Variants in SHMT1 observed in about 807,000 individuals in gnomAD.
SHMT1 encodes the protein serine hydroxymethyltransferase 1, also known as serine hydroxymethyltransferase, cytosolic.
Under a neutral mutation model 49.0 loss-of-function variants are expected in SHMT1, and 45 were observed. That is an observed-to-expected ratio of 0.92 (90% CI 0.72 to 1.18). SHMT1 has a LOEUF of 1.18. Among genes scored for constraint, SHMT1 ranks in the 50% most tolerant of loss-of-function variants. The probability of loss-of-function intolerance (pLI) is 0.00; values close to 1 mark genes in which losing one functional copy is unlikely to be tolerated. For missense variants in SHMT1, 541 were observed against 612.4 expected, an observed-to-expected ratio of 0.88 and a Z score of 1.23; for synonymous variants, 232 against 246.6, an observed-to-expected ratio of 0.94 and a Z score of 0.55.
At chr17:18,356,520 G>A (rs1449390585) in intron 1 of SHMT1, among the ~76,000 whole-genome samples, 1 of 151,810 alleles carries the variant, frequency 6.6e-6, no homozygotes, top group African/African-American at 2.4e-5. Context: ...ATTTTTCGTA[G>A]AGATGGAGTT....
chr17:18,357,903 G>A (rs1473151369), intron 1 of SHMT1, among the ~76,000 whole-genome samples: 12 of 139,408 alleles, frequency 8.6e-5, no homozygotes, highest in African/African-American at 1.9e-4. Context: ...TCACTCTGTC[G>A]CCCAGGCTGG....
intron 3 of SHMT1, among the ~76,000 whole-genome samples, chr17:18,350,496 G>A (rs1198863392): frequency 6.6e-6 from 1 of 151,916 alleles, no homozygotes; most frequent in Admixed American, 6.6e-5. Context: ...AAATTAGCCT[G>A]GTGTGGTGGC....
intron 4 of SHMT1, among the ~76,000 whole-genome samples, chr17:18,347,980 C>T (rs556630139): frequency 6.6e-5 from 10 of 150,520 alleles, no homozygotes; most frequent in Non-Finnish European, 1.5e-4. Context: ...TGCAATGGCG[C>T]CATCTCGGCA....
chr17:18,359,828 T>C (rs1353573958), intron 1 of SHMT1, among the ~76,000 whole-genome samples: 1 of 151,286 alleles, frequency 6.6e-6, no homozygotes, highest in South Asian at 2.1e-4. Flanking sequence ...CGCCTGTAAT[T>C]CCAGCTACTC....
chr17:18,339,049 T>TAAAAAAAAAAAAAA (rs34704448), intron 7 of SHMT1, among the ~76,000 whole-genome samples: 2 of 26,872 alleles, frequency 7.4e-5, no homozygotes, highest in Non-Finnish European at 1.2e-4. Context: ...CAATAAATAC[T>TAAAAAAAAAAAAAA]AAAAAAAAAA....
At chr17:18,330,823 G>A (rs541031421) in intron 9 of SHMT1, 152 bp from the exon 10 acceptor site, 15 of 691,306 alleles carry the variant, frequency 2.2e-5, no homozygotes, top group South Asian at 1.0e-4. Context: ...TAATCCCCAC[G>A]AGAGATGCCC....
chr17:18,333,024 C>T lies in SHMT1; in HGVS notation c.1054+142G>A, dbSNP rs560768970. 2.5e-3 allele frequency: 2,691 copies of T among 1,068,092 alleles called. 39 individuals are homozygous for T. The highest frequency in any genetic ancestry group is 0.023 in the South Asian group (1,754 of 76,002). The allele number at this position is 1,068,092 out of a possible 1,614,324, so 66.2% of individuals were successfully genotyped here. A position where few individuals can be genotyped will look rare whatever the true frequency, so the allele number is the denominator to read the frequency against. On this transcript the variant is annotated intron_variant, in intron 9 of 11. Coordinates refer to ENST00000316694, the MANE Select transcript of SHMT1 (RefSeq NM_004169.5). ...CAGGGGGAGGCTTTCCAGTTGGAGG[C>T]GAGGCTGACCTCCTCCCAAGGTGGG...
chr17:18,339,591 C>T (rs975557958), intron 7 of SHMT1, among the ~76,000 whole-genome samples: 1 of 151,126 alleles, frequency 6.6e-6, no homozygotes, highest in African/African-American at 2.4e-5. Context: ...GACGGCATCT[C>T]GCTCTGTCGC....
chr17:18,328,853 T>G lies in SHMT1; in HGVS notation c.1349A>C (p.Glu450Ala). 6.2e-7 allele frequency: 1 copy of G among 1,613,876 alleles called. No individual in the cohort carries two copies. Among genetic ancestry groups the G allele is most frequent in the Non-Finnish European group, 8.5e-7 (1 of 1,180,024 alleles). ...GVRATLKEFK[E>A]RLAGDKYQAA... ...CTGGTACTTATCCCCTGCCAGTCTC[T>G]CCTTGAACTCTTTCAGGGTGGCTCT... Residue 450 changes from glutamate (E) to alanine (A), a missense_variant, in exon 12 of 12, where the codon GAG becomes GCG. Glu to Ala is a moderately radical substitution (Grantham distance 107). Coordinates refer to ENST00000316694, the MANE Select transcript of SHMT1 (RefSeq NM_004169.5).
intron 9 of SHMT1, chr17:18,332,900 G>A (rs1983371806): frequency 2.0e-6 from 1 of 496,592 alleles, no homozygotes; most frequent in African/African-American, 1.9e-5. Flanking sequence ...CTCCTGCAAA[G>A]CTGTTCTGAG....
intron 5 of SHMT1, among the ~76,000 whole-genome samples, chr17:18,345,263 C>T (rs923626765): frequency 2.5e-4 from 38 of 151,478 alleles, no homozygotes; most frequent in African/African-American, 8.5e-4. Flanking sequence ...CAGATTCTTT[C>T]TTTTTTTTTC....
chr17:18,358,217 C>T lies in SHMT1; in HGVS notation c.-19-2217G>A, dbSNP rs138141010. ...AGAAAAGTGAAATATTGTGGCTGGG[C>T]GCAGTGGCTCATGCCTGTAATCCCA... On this transcript the variant is annotated intron_variant, in intron 1 of 11. Transcript: ENST00000316694. 2.7e-3 allele frequency among the ~76,000 whole-genome samples: 407 copies of T among 149,650 alleles called. 1 individual carries two copies. Among genetic ancestry groups the T allele is most frequent in the Middle Eastern group, 0.014 (4 of 280 alleles).
At chr17:18,362,328 T>C (rs553780957) in intron 1 of SHMT1, among the ~76,000 whole-genome samples, 6 of 152,306 alleles carry the variant, frequency 3.9e-5, no homozygotes, top group African/African-American at 1.4e-4. Flanking sequence ...TTCTCTCTCT[T>C]TCTTTCTTTT....
At chr17:18,336,794 A>C (rs1249771482) in intron 7 of SHMT1, among the ~76,000 whole-genome samples, 4 of 152,090 alleles carry the variant, frequency 2.6e-5, no homozygotes, top group African/African-American at 9.7e-5. Flanking sequence ...AAAAATTTAA[A>C]AATTAGCCAG....
chr17:18,347,524 G>A lies in SHMT1; in HGVS notation c.491C>T (p.Ser164Phe). ...GTAGGGCATAGATTCAAAGAAGATGGACGTGGCAGAGATTTTCTTCTTGTC... is the reference window on the plus strand; with the variant it reads ...GTAGGGCATAGATTCAAAGAAGATGAACGTGGCAGAGATTTTCTTCTTGTC... Reference protein sequence around the residue: ...MTDKKKISATSIFFESMPYKV... With the variant: ...MTDKKKISATFIFFESMPYKV... Residue 164 changes from serine to phenylalanine, a missense_variant, in exon 5 of 12, where the codon TCC (serine) becomes TTC (phenylalanine). Transcript: ENST00000316694. The A allele has an allele frequency of 6.2e-7, 1 of 1,614,180 alleles. No individual in the cohort carries two copies. Among genetic ancestry groups the A allele is most frequent in the Non-Finnish European group, 8.5e-7 (1 of 1,180,034 alleles).
chr17:18,342,872 G>A (rs1457326659), intron 5 of SHMT1, among the ~76,000 whole-genome samples: 1 of 151,716 alleles, frequency 6.6e-6, no homozygotes, highest in African/African-American at 2.4e-5. Flanking sequence ...GGAGGCGGAG[G>A]TTGCAGTGAG....
At chr17:18,348,586 C>T (rs374556820) in intron 3 of SHMT1, 146 bp from the exon 4 acceptor site, 6 of 747,698 alleles carry the variant, frequency 8.0e-6, no homozygotes, top group South Asian at 2.7e-5. Flanking sequence ...GATGCTGAAG[C>T]CAGCATGATC....
At chr17:18,329,567 C>T (rs1394051457) in intron 10 of SHMT1, among the ~76,000 whole-genome samples, 179 bp from the exon 11 acceptor site, 4 of 152,238 alleles carry the variant, frequency 2.6e-5, no homozygotes, top group Non-Finnish European at 5.9e-5. Context: ...GGCACAACCA[C>T]GTTTGGCCAC....
At chr17:18,333,336 A>C in intron 8 of SHMT1, 48 bp from the exon 9 acceptor site, 1 of 1,593,478 alleles carries the variant, frequency 6.3e-7, no homozygotes, top group Non-Finnish European at 8.6e-7. Flanking sequence ...AGAATCATAC[A>C]CAGATGATGA....
Sources: allele counts gnomAD v4.1 joint callset (sites outside exome capture counted in the v4.1 genomes callset), GRCh38; gene constraint gnomAD v4.1.1; transcripts MANE v1.5; gene names NCBI Gene and HGNC (gene_info 2026-07-23, HGNC 2026-07-21).